The following ZNF692 variants were observed in gnomAD, a reference collection of about 807,000 sequenced individuals.
The protein encoded by ZNF692 is AICAR responsive element binding protein.
A neutral mutation model predicts 49.0 loss-of-function variants in ZNF692; 41 were observed. That is an observed-to-expected ratio of 0.84 (90% confidence interval 0.65 to 1.08). The LOEUF (loss-of-function observed/expected upper bound fraction) is 1.08, where lower values mean the gene tolerates loss of function less well. Ranked by LOEUF, ZNF692 falls within the 50% of genes least tolerant of loss-of-function variation. The pLI is 0.00. For synonymous variants in ZNF692, 288 were observed against 251.5 expected, an observed-to-expected ratio of 1.15 and a Z score of -1.37; for missense variants, 662 against 662.2, an observed-to-expected ratio of 1.00 and a Z score of 0.00.
intron 5 of ZNF692, 41 bp from the exon 6 acceptor site, chr1:248,856,463 C>T (rs375577268): frequency 5.0e-6 from 8 of 1,614,232 alleles, no homozygotes; most frequent in African/African-American, 1.3e-5. Flanking sequence ...CCTGCTCCCT[C>T]ATCCTCCCAC....
intron 10 of ZNF692, among the ~76,000 whole-genome samples, chr1:248,852,245 C>T (rs1278484569): frequency 6.6e-6 from 1 of 152,178 alleles, no homozygotes; most frequent in Non-Finnish European, 1.5e-5. Context: ...CTCCACCAGC[C>T]TCCAACACCC....
chr1:248,854,480 G>A (rs1659980289), intron 9 of ZNF692: 1 of 161,638 alleles, frequency 6.2e-6, no homozygotes, highest in South Asian at 1.5e-4. Context: ...ACGTACAACA[G>A]TATCTCCCCA....
intron 3 of ZNF692, 128 bp from the exon 4 acceptor site, chr1:248,857,625 T>G: frequency 6.7e-7 from 1 of 1,484,092 alleles, no homozygotes; most frequent in Non-Finnish European, 8.9e-7. Flanking sequence ...AATTTATCAT[T>G]CTTCAGAACC....
chr1:248,856,680 G>T (rs1301511341), intron 4 of ZNF692, 118 bp from the exon 5 acceptor site: 5 of 1,248,294 alleles, frequency 4.0e-6, no homozygotes, highest in Non-Finnish European at 4.6e-6. Context: ...TAGAGACGGG[G>T]TCTCACTATG....
Position 248,858,688 on chromosome 1 carries a change from T to A in ZNF692, c.-13+230A>T. ...TCTTGAATAGGGCAGCGGCCTTTAC[T>A]GGTTTCTAGGGGAAGGAAAGGTCGT... On this transcript the variant is annotated intron_variant, in intron 1 of 11. Coordinates refer to ENST00000306601, the MANE Select transcript of ZNF692 (RefSeq NM_017865.4). This position sits in a 1 kb window ranked among gnomAD's most constrained non-coding sequence, Gnocchi z 4.3. The A allele has an allele frequency of 1.2e-6, 1 of 855,060 alleles. No homozygotes were observed. Among genetic ancestry groups the A allele is most frequent in the Non-Finnish European group, 1.9e-6 (1 of 527,248 alleles). The allele number at this position is 855,060 out of a possible 1,614,324, so 53.0% of individuals were successfully genotyped here.
At position 248,858,806 on chromosome 1, in the gene ZNF692, C is replaced by A. The variant is rs1660559133; in HGVS notation, c.-13+112G>T. The A allele has an allele frequency of 3.5e-6, 2 of 573,968 alleles. No individual in the cohort carries two copies. The highest frequency in any genetic ancestry group is 5.9e-5 in the East Asian group (2 of 33,922). 35.6% of individuals were successfully genotyped at this position (573,968 alleles called of 1,614,324 possible). A position where few individuals can be genotyped will look rare whatever the true frequency, so the allele number is the denominator to read the frequency against. ...TCTGGAGGGCGCCCCCCATCCACCC[C>A]GTCTTGGGCACCCCCACTTAATGCT... On this transcript the variant is annotated intron_variant, in intron 1 of 11. Transcript: ENST00000306601. The surrounding 1 kb of genome is among the most constrained non-coding windows in gnomAD (Gnocchi z 4.3).
intron 10 of ZNF692, among the ~76,000 whole-genome samples, chr1:248,853,237 C>G (rs1442369884): frequency 6.6e-6 from 1 of 152,240 alleles, no homozygotes; most frequent in Non-Finnish European, 1.5e-5. Flanking sequence ...ACCTTGCCCT[C>G]TTGCACATCT....
chr1:248,856,071 C>G (rs1660199874), intron 6 of ZNF692, 125 bp from the exon 7 acceptor site: 1 of 1,211,374 alleles, frequency 8.3e-7, no homozygotes, highest in African/African-American at 1.5e-5. Flanking sequence ...ACCCTAGGCT[C>G]CCCATTCATA....
intron 9 of ZNF692, 149 bp from the exon 10 acceptor site, chr1:248,854,200 C>T (rs12022223): frequency 0.09 from 55,897 of 623,646 alleles, 2,974 homozygotes; most frequent in East Asian, 0.18. Context: ...ATGGCCTGCT[C>T]GTTTCCTTGA....
chr1:248,854,736 G>C (rs901507131), intron 9 of ZNF692, among the ~76,000 whole-genome samples: 7 of 152,106 alleles, frequency 4.6e-5, no homozygotes, highest in Admixed American at 3.3e-4. Context: ...ACTTCCAGGG[G>C]CTGCTTTGAT....
rs1480649818 is a variant in ZNF692, at chr1:248,856,513, C to T, written c.524+1G>A. Reference sequence around the variant, plus strand: ...CTTTTCTCTCCTATCCACATCCTCACCTGGGCAACCTGGCCTCTTGAGTCC... The same window carrying T: ...CTTTTCTCTCCTATCCACATCCTCATCTGGGCAACCTGGCCTCTTGAGTCC... On this transcript the variant is annotated splice_donor_variant, in intron 5 of 11. Coordinates refer to ENST00000306601, the MANE Select transcript of ZNF692 (RefSeq NM_017865.4). LOFTEE classifies it high-confidence loss of function. The T allele has an allele frequency of 1.9e-6, 3 of 1,614,230 alleles. No individual in the cohort carries two copies. Among genetic ancestry groups the T allele is most frequent in the Non-Finnish European group, 2.5e-6 (3 of 1,180,040 alleles).
chr1:248,851,746 G>A (rs969307583), intron 10 of ZNF692, among the ~76,000 whole-genome samples: 1 of 152,100 alleles, frequency 6.6e-6, no homozygotes, highest in Non-Finnish European at 1.5e-5. Context: ...CCCATGCACT[G>A]CACCACTTCA....
chr1:248,857,251 C>T lies in ZNF692; in HGVS notation c.458G>A (p.Ser153Asn). The stretch of plus-strand genomic sequence containing the variant: ...CAGCCTACCTGCAAGCTCCTGCCCA[C>T]TCGTGGCCTCGGAACACCAACTTCT... ...TRRSWCSEAT[S>N]GQELADLESE... Residue 153 changes from serine to asparagine, a missense_variant, in exon 4 of 12, where the codon AGT (serine) becomes AAT (asparagine). Physicochemically the swap from Ser to Asn is conservative, Grantham distance 46. Coordinates refer to ENST00000306601, the MANE Select transcript of ZNF692 (RefSeq NM_017865.4). 1.9e-6 allele frequency: 3 copies of T among 1,612,676 alleles called. No individual in the cohort carries two copies. Among genetic ancestry groups the T allele is most frequent in the Non-Finnish European group, 2.5e-6 (3 of 1,179,204 alleles).
rs1302847308 is a variant in ZNF692 at position 248,858,520 on chromosome 1, T to C, written c.-12-199A>G. 1 of 1,551,390 alleles carries C rather than the reference T, an allele frequency of 6.4e-7. No homozygotes were observed. The highest frequency in any genetic ancestry group is 8.7e-7 in the Non-Finnish European group (1 of 1,146,958). ...TTGAAGCTCAGCGCTACCATGTGAG[T>C]GTCGTCGGGTGGGAGGCAGGCAGAC... On this transcript the variant is annotated intron_variant, in intron 1 of 11. Coordinates refer to ENST00000306601, the MANE Select transcript of ZNF692 (RefSeq NM_017865.4). The surrounding 1 kb of genome is among the most constrained non-coding windows in gnomAD (Gnocchi z 4.3).
chr1:248,854,121 T>G, intron 9 of ZNF692, 70 bp from the exon 10 acceptor site: 4 of 1,193,122 alleles, frequency 3.4e-6, no homozygotes, highest in Admixed American at 1.8e-5. Flanking sequence ...AGAGATGAAC[T>G]GAGCTGACCC....
chr1:248,855,523 G>A (rs778657361), intron 8 of ZNF692, 35 bp downstream of exon 8: 29 of 1,613,628 alleles, frequency 1.8e-5, no homozygotes, highest in South Asian at 1.5e-4. Context: ...CCCTCCTCTC[G>A]GCCCTCCCCA....
chr1:248,858,843 G>C lies in ZNF692; in HGVS notation c.-13+75C>G. On this transcript the variant is annotated intron_variant, in intron 1 of 11. Transcript: ENST00000306601. This position sits in a 1 kb window ranked among gnomAD's most constrained non-coding sequence, Gnocchi z 4.3. ...CCCCACTTAATGCTGACAGTGAGTGGAGCGGACTAATCCCAATGGCAGTTC... is the reference window on the plus strand; with the variant it reads ...CCCCACTTAATGCTGACAGTGAGTGCAGCGGACTAATCCCAATGGCAGTTC... 5.9e-6 allele frequency: 3 copies of C among 505,590 alleles called. No homozygotes were observed. Among genetic ancestry groups the C allele is most frequent in the Non-Finnish European group, 1.1e-5 (3 of 276,090 alleles). 31.3% of individuals were successfully genotyped at this position (505,590 alleles called of 1,614,324 possible).
chr1:248,855,307 C>T, intron 9 of ZNF692, 73 bp downstream of exon 9: 3 of 1,484,132 alleles, frequency 2.0e-6, no homozygotes, highest in Non-Finnish European at 1.9e-6. Flanking sequence ...CCTTAAGATC[C>T]TTTTCCTCAG....
In ZNF692 at chr1:248,856,499, T is replaced by C. The variant is rs528856787; in HGVS notation, c.524+15A>G. On this transcript the variant is annotated intron_variant, in intron 5 of 11. Transcript: ENST00000306601. ...CTATGCAATTCCGCCTTTTCTCTCC[T>C]ATCCACATCCTCACCTGGGCAACCT... The C allele has an allele frequency of 9.7e-5, 157 of 1,614,250 alleles. 2 individuals are homozygous for C. The South Asian group carries it at 1.6e-3, about 17-fold the overall frequency.
Sources: gnomAD v4.1 joint callset for allele counts (sites outside exome capture counted in the v4.1 genomes callset) on GRCh38, gnomAD v4.1.1 for gene constraint, Gnocchi (gnomAD v3.1) non-coding constraint, MANE v1.5 for transcripts, NCBI Gene and HGNC (gene_info 2026-07-23, HGNC 2026-07-21) for gene names.